Variants in UNC13C observed in about 807,000 individuals in gnomAD.
The protein encoded by UNC13C is protein unc-13 homolog C.
In UNC13C, 174 loss-of-function variants were observed where a neutral mutation model predicts 245.4. The observed-to-expected ratio is 0.71, with a 90% CI of 0.63 to 0.80. The LOEUF is 0.80. Among genes scored for constraint, UNC13C ranks in the 30% least tolerant of loss-of-function variants. UNC13C has a pLI of 0.00. For synonymous variants in UNC13C, 992 were observed against 895.1 expected (o/e 1.11, Z -1.93); for missense variants, 2,829 against 2,602.9 (o/e 1.09, Z -1.89).
At chr15:54,440,970 T>C (rs1305309504) in intron 19 of UNC13C, among the ~76,000 whole-genome samples, 2 of 152,100 alleles carry the variant, frequency 1.3e-5, no homozygotes. Flanking sequence ...TTGATAAATG[T>C]CTATTCATGT....
At chr15:54,045,133 C>G (rs917603418) in intron 2 of UNC13C, among the ~76,000 whole-genome samples, 1 of 152,060 alleles carries the variant, frequency 6.6e-6, no homozygotes, top group African/African-American at 2.4e-5. Context: ...GGTATCATAG[C>G]TAACCATTGC....
chr15:54,467,794 C>T (rs984621114), intron 19 of UNC13C, among the ~76,000 whole-genome samples: 4 of 151,636 alleles, frequency 2.6e-5, no homozygotes, highest in African/African-American at 4.8e-5. Flanking sequence ...TCAGACTGCC[C>T]TGCTCTTTTA....
chr15:54,176,169 AC>A (rs1364665691), intron 4 of UNC13C, among the ~76,000 whole-genome samples: 1 of 140,542 alleles, frequency 7.1e-6, no homozygotes, highest in East Asian at 2.1e-4. Flanking sequence ...ATTCTTTTTA[AC>A]CACAATCTTC....
At chr15:53,854,527 C>T in the UNC13C span, among the ~76,000 whole-genome samples, 2 of 152,152 alleles carry the variant, frequency 1.3e-5, no homozygotes, top group Non-Finnish European at 2.9e-5. Flanking sequence ...AAGCAGTTCT[C>T]CCAACACCAT....
chr15:54,321,711 C>T (rs150214888), intron 13 of UNC13C: 59 of 467,946 alleles, frequency 1.3e-4, no homozygotes, highest in African/African-American at 1.1e-3. Flanking sequence ...TTCTCGGCAG[C>T]GTCCATGGGC....
intron 3 of UNC13C, among the ~76,000 whole-genome samples, chr15:54,143,309 G>A (rs1396547607): frequency 6.6e-6 from 1 of 152,136 alleles, no homozygotes; most frequent in Non-Finnish European, 1.5e-5. Context: ...CTTAAGTCTG[G>A]CTAATCATGA....
At chr15:54,416,067 G>A (rs2040513875) in intron 19 of UNC13C, among the ~76,000 whole-genome samples, 1 of 152,182 alleles carries the variant, frequency 6.6e-6, no homozygotes, top group Non-Finnish European at 1.5e-5. Flanking sequence ...CAAGAAAGAG[G>A]TAGCAAGAAG....
intron 2 of UNC13C, among the ~76,000 whole-genome samples, chr15:54,133,835 A>G (rs2031574541): frequency 6.6e-6 from 1 of 152,084 alleles, no homozygotes; most frequent in African/African-American, 2.4e-5. Context: ...TACATGTTTT[A>G]TATATATATT....
Position 54,576,897 on chromosome 15 carries a change from G to A in UNC13C, c.6106+8950G>A, listed in dbSNP as rs571009065. On this transcript the variant is annotated intron_variant, in intron 30 of 32. Coordinates refer to ENST00000260323, the MANE Select transcript of UNC13C (RefSeq NM_001080534.3). ...CAGTAGAGTACTGGATGCAAAGCAG[G>A]TGCTTAGTGAGTTATAGAACAAATG... Among the ~76,000 whole-genome samples the A allele has an allele frequency of 3.3e-5, 5 of 152,294 alleles. No individual in the cohort carries two copies. In the South Asian group the frequency reaches 1.0e-3, roughly 32 times the overall value.
At chr15:53,918,664 G>T in the UNC13C span, among the ~76,000 whole-genome samples, 1 of 152,188 alleles carries the variant, frequency 6.6e-6, no homozygotes, top group Non-Finnish European at 1.5e-5. Context: ...CACTCCCATT[G>T]CCTGGTGACT....
At chr15:54,243,557 G>C (rs2035915920) in intron 7 of UNC13C, among the ~76,000 whole-genome samples, 1 of 151,772 alleles carries the variant, frequency 6.6e-6, no homozygotes, top group Non-Finnish European at 1.5e-5. Context: ...TGAGGAATCT[G>C]TCTTCTACTA....
intron 2 of UNC13C, among the ~76,000 whole-genome samples, chr15:54,124,242 G>A (rs1477064676): frequency 2.0e-5 from 3 of 152,136 alleles, no homozygotes; most frequent in Admixed American, 6.5e-5. Flanking sequence ...AATTATGAGT[G>A]TATGTTTAGC....
chr15:54,096,003 T>A (rs1172117092), intron 2 of UNC13C, among the ~76,000 whole-genome samples: 1 of 152,114 alleles, frequency 6.6e-6, no homozygotes, highest in Non-Finnish European at 1.5e-5. Flanking sequence ...TAAGCAAAGG[T>A]GCAGACCTTA....
At position 53,997,877 on chromosome 15, in the gene UNC13C, A is replaced by G. The variant is rs188543778; in HGVS notation, c.-256-14771A>G. On this transcript the variant is annotated intron_variant, in intron 1 of 32. Transcript: ENST00000260323. ...CAGTGAAGTGGCACAATCTTGGCTCACTGCAACCTCCACCAGCCAGGCCCA... is the reference window on the plus strand; with the variant it reads ...CAGTGAAGTGGCACAATCTTGGCTCGCTGCAACCTCCACCAGCCAGGCCCA... Among the ~76,000 whole-genome samples the G allele has an allele frequency of 8.9e-4, 135 of 151,932 alleles. 1 individual carries two copies. The highest frequency in any genetic ancestry group is 3.0e-3 in the African/African-American group (124 of 41,442).
chr15:54,165,533 G>T (rs2033133303), intron 4 of UNC13C, among the ~76,000 whole-genome samples: 1 of 152,032 alleles, frequency 6.6e-6, no homozygotes, highest in Non-Finnish European at 1.5e-5. Context: ...CCAGCCCTGT[G>T]TTACTTCAGA....
chr15:54,513,633 A>G (rs1894847926), intron 24 of UNC13C, among the ~76,000 whole-genome samples: 1 of 152,172 alleles, frequency 6.6e-6, no homozygotes, highest in African/African-American at 2.4e-5. Context: ...ATTGAAGAAC[A>G]TAATGAAAAC....
chr15:54,083,174 C>T (rs1899046868), intron 2 of UNC13C, among the ~76,000 whole-genome samples: 1 of 152,010 alleles, frequency 6.6e-6, no homozygotes, highest in South Asian at 2.1e-4. Context: ...GAAGCCTTGT[C>T]CTGAGCAGCC....
intron 19 of UNC13C, among the ~76,000 whole-genome samples, chr15:54,491,805 A>G (rs1893718476): frequency 1.3e-5 from 2 of 152,090 alleles, no homozygotes; most frequent in Admixed American, 6.6e-5. Context: ...GATCCAGACC[A>G]TGGTGAAACC....
chr15:54,148,511 C>T (rs1469141755), intron 4 of UNC13C, among the ~76,000 whole-genome samples: 2 of 152,154 alleles, frequency 1.3e-5, no homozygotes, highest in Non-Finnish European at 1.5e-5. Context: ...AGATTGCCTA[C>T]TATCCTCACA....
Sources: gnomAD v4.1 joint callset for allele counts (sites outside exome capture counted in the v4.1 genomes callset) on GRCh38, gnomAD v4.1.1 for gene constraint, MANE v1.5 for transcripts, NCBI Gene and HGNC (gene_info 2026-07-23, HGNC 2026-07-21) for gene names.